RSPO1: variants seen among roughly 807,000 people sequenced by gnomAD.
RSPO1 encodes the protein R-spondin 1, also known as R-spondin-1.
Under a neutral mutation model 26.0 loss-of-function variants are expected in RSPO1, and 18 were observed. The ratio of observed to expected loss-of-function variants is 0.69; its 90% confidence interval spans 0.48 to 1.03. The LOEUF is 1.03. RSPO1 is among the 50% of genes least tolerant of loss of function. RSPO1 has a pLI of 0.00. For synonymous variants in RSPO1, 133 were observed against 137.4 expected (o/e 0.97, Z 0.22); for missense variants, 309 against 352.3 (o/e 0.88, Z 0.98).
intron 5 of RSPO1, 63 bp downstream of exon 5, chr1:37,614,121 C>A: frequency 6.3e-7 from 1 of 1,582,244 alleles, no homozygotes; most frequent in Non-Finnish European, 8.6e-7. Context: ...CTTGCCAGAC[C>A]CTTACCCGGC....
At chr1:37,631,293 G>T (rs1221321263) in intron 2 of RSPO1, among the ~76,000 whole-genome samples, 1 of 152,176 alleles carries the variant, frequency 6.6e-6, no homozygotes, top group African/African-American at 2.4e-5. Context: ...TTTACATGAG[G>T]CTGATGGATC....
At chr1:37,615,658 AGTG>A (rs1408176875) in intron 4 of RSPO1, among the ~76,000 whole-genome samples, 1 of 152,232 alleles carries the variant, frequency 6.6e-6, no homozygotes, top group Non-Finnish European at 1.5e-5. Context: ...GCACTGAACA[AGTG>A]GTGGGGGCAC....
rs1644330023 is a variant in RSPO1 at position 37,629,795 on chromosome 1, C to T, written c.-134G>A. ...AGGCCTGGGCCGTAGCCCAAATCCA[C>T]CATAATCTCAGCTGGGGACAGAGAG... On this transcript the variant is annotated 5_prime_UTR_variant, in exon 3 of 7. It adds an upstream start codon to the 5' untranslated region. Coordinates refer to ENST00000356545, the MANE Select transcript of RSPO1 (RefSeq NM_001242908.2). 2 of 1,551,350 alleles carry T rather than the reference C, an allele frequency of 1.3e-6. No individual in the cohort carries two copies. The highest frequency in any genetic ancestry group is 1.7e-6 in the Non-Finnish European group (2 of 1,146,810).
At chr1:37,621,991 C>A (rs1242429161) in intron 3 of RSPO1, among the ~76,000 whole-genome samples, 1 of 151,810 alleles carries the variant, frequency 6.6e-6, no homozygotes, top group Non-Finnish European at 1.5e-5. Flanking sequence ...TTCTTAACAT[C>A]GAACAGTCAT....
At position 37,613,816 on chromosome 1, in the gene RSPO1, G is replaced by C; in HGVS notation, c.513C>G (p.Gly171=). The stretch of plus-strand genomic sequence containing the variant: ...GCACCCTGCGTGTCCGCTCCTCGGA[G>C]CCCCTCCGGAAACCACAGAGCTGCT... ...KKQQLCGFRR[G]SEERTRRVLH... Residue 171 remains glycine, a synonymous_variant, in exon 6 of 7, where the codon GGC becomes GGG. Coordinates refer to ENST00000356545, the MANE Select transcript of RSPO1 (RefSeq NM_001242908.2). This position sits in a 1 kb window ranked among gnomAD's most constrained non-coding sequence, Gnocchi z 4.5. 6.2e-7 allele frequency: 1 copy of C among 1,614,010 alleles called. No homozygotes were observed. The highest frequency in any genetic ancestry group is 2.2e-5 in the East Asian group (1 of 44,884).
chr1:37,621,732 C>A (rs1453625893), intron 3 of RSPO1, among the ~76,000 whole-genome samples: 1 of 151,800 alleles, frequency 6.6e-6, no homozygotes, highest in Non-Finnish European at 1.5e-5. Context: ...CTCAAGAGAA[C>A]TATTTTGGCT....
At chr1:37,625,152 T>C (rs912947759) in intron 3 of RSPO1, among the ~76,000 whole-genome samples, 1 of 152,264 alleles carries the variant, frequency 6.6e-6, no homozygotes, top group East Asian at 1.9e-4. Flanking sequence ...CCTTATATTG[T>C]TATTATCTGC....
rs760465640 is a variant in RSPO1 at position 37,616,506 on chromosome 1, G to C, written c.264C>G (p.Asn88Lys). 1.2e-6 allele frequency: 2 copies of C among 1,614,072 alleles called. No homozygotes were observed. Among genetic ancestry groups the C allele is most frequent in the Non-Finnish European group, 1.7e-6 (2 of 1,180,044 alleles). ...SCPPGYFDAR[N>K]PDMNKCIKCK... The stretch of plus-strand genomic sequence containing the variant: ...CACTGATGCACTTGTTCATGTCGGG[G>C]TTGCGGGCGTCGAAGTATCCAGGTG... The change falls in exon 4 of 7, where the codon AAC becomes AAG. Residue 88 changes from asparagine to lysine, a missense_variant. Transcript: ENST00000356545.
chr1:37,630,761 C>A (rs915553439), intron 2 of RSPO1, among the ~76,000 whole-genome samples: 1 of 152,216 alleles, frequency 6.6e-6, no homozygotes, highest in African/African-American at 2.4e-5. Context: ...TTCCCCGTCA[C>A]GGGATCACAC....
chr1:37,623,762 CTT>C (rs569201016), intron 3 of RSPO1, among the ~76,000 whole-genome samples: 18 of 140,250 alleles, frequency 1.3e-4, no homozygotes, highest in Non-Finnish European at 1.1e-4. Flanking sequence ...CTCTCCCTCT[CTT>C]TTTTTTTTTT....
rs558866395 is a variant in RSPO1 at position 37,617,824 on chromosome 1, G to A, written c.95-1149C>T. 2.6e-5 allele frequency among the ~76,000 whole-genome samples: 4 copies of A among 152,226 alleles called. No individual in the cohort carries two copies. In the South Asian group the frequency reaches 6.2e-4, roughly 24 times the overall value. On this transcript the variant is annotated intron_variant, in intron 3 of 6. Coordinates refer to ENST00000356545, the MANE Select transcript of RSPO1 (RefSeq NM_001242908.2). ...GCGCAGTGTGAGCCCTGGGGACAGA[G>A]GTGTATAAGCCACTCTGTAGAGGAA...
At position 37,627,768 on chromosome 1, in the gene RSPO1, G is replaced by A. The variant is rs190028289; in HGVS notation, c.94+1800C>T. 2.4e-4 allele frequency among the ~76,000 whole-genome samples: 37 copies of A among 152,254 alleles called. No individual in the cohort carries two copies. The East Asian group carries it at 4.6e-3, about 19-fold the overall frequency. On this transcript the variant is annotated intron_variant, in intron 3 of 6. Transcript: ENST00000356545. ...CATTGCATTTCAGCTTCCTGATTGCGATGACTATGGCTATTACATAACAAG... is the reference window on the plus strand; with the variant it reads ...CATTGCATTTCAGCTTCCTGATTGCAATGACTATGGCTATTACATAACAAG...
At chr1:37,616,109 A>C (rs1411191242) in intron 4 of RSPO1, among the ~76,000 whole-genome samples, 1 of 152,152 alleles carries the variant, frequency 6.6e-6, no homozygotes, top group Non-Finnish European at 1.5e-5. Context: ...TATTGCAATG[A>C]TCCCGGAGCA....
At chr1:37,622,692 G>A (rs1460029316) in intron 3 of RSPO1, among the ~76,000 whole-genome samples, 1 of 152,140 alleles carries the variant, frequency 6.6e-6, no homozygotes, top group African/African-American at 2.4e-5. Context: ...GGTTGAAAAG[G>A]GAGAGATCTT....
chr1:37,613,889 T>G lies in RSPO1; in HGVS notation c.440A>C (p.Gln147Pro), dbSNP rs768443802. Residue 147 changes from glutamine (Q) to proline (P), a missense_variant, in exon 6 of 7, where the codon CAA becomes CCA. Coordinates refer to ENST00000356545, the MANE Select transcript of RSPO1 (RefSeq NM_001242908.2). This position sits in a 1 kb window ranked among gnomAD's most constrained non-coding sequence, Gnocchi z 4.5. ...CGGAGACCACTCGCTCATTTCACATTGCGCTGGCAGGAAGAGAAGGGAAGG... is the reference window on the plus strand; with the variant it reads ...CGGAGACCACTCGCTCATTTCACATGGCGCTGGCAGGAAGAGAAGGGAAGG... ...NGTMECSSPA[Q>P]CEMSEWSPWG... 1 of 1,613,876 alleles carries G rather than the reference T, an allele frequency of 6.2e-7. No homozygotes were observed. Among genetic ancestry groups the G allele is most frequent in the African/African-American group, 1.3e-5 (1 of 74,898 alleles).
At chr1:37,624,651 C>T (rs61776209) in intron 3 of RSPO1, among the ~76,000 whole-genome samples, 34,954 of 151,930 alleles carry the variant, frequency 0.23, 4,234 homozygotes, top group Middle Eastern at 0.29. Context: ...AGCCCCACAC[C>T]CCTTGAAGAA....
chr1:37,627,501 T>A (rs1644295230), intron 3 of RSPO1, among the ~76,000 whole-genome samples: 1 of 151,930 alleles, frequency 6.6e-6, no homozygotes, highest in Non-Finnish European at 1.5e-5. Flanking sequence ...AATACAAAAA[T>A]TAGCCAGGCA....
rs764779438 is a variant in RSPO1 at position 37,613,898 on chromosome 1, A to C, written c.437-6T>G. On this transcript the variant is annotated splice_region_variant and splice_polypyrimidine_tract_variant and intron_variant, in intron 5 of 6. Coordinates refer to ENST00000356545, the MANE Select transcript of RSPO1 (RefSeq NM_001242908.2). This position sits in a 1 kb window ranked among gnomAD's most constrained non-coding sequence, Gnocchi z 4.5. ...CTCGCTCATTTCACATTGCGCTGGC[A>C]GGAAGAGAAGGGAAGGGAGAGAAGG... 1 of 1,613,938 alleles carries C rather than the reference A, an allele frequency of 6.2e-7. No individual in the cohort carries two copies. The highest frequency in any genetic ancestry group is 1.1e-5 in the South Asian group (1 of 91,070).
intron 3 of RSPO1, among the ~76,000 whole-genome samples, chr1:37,622,927 G>C (rs1289964494): frequency 2.0e-5 from 3 of 152,116 alleles, no homozygotes; most frequent in Non-Finnish European, 4.4e-5. Flanking sequence ...ACAGAGAAGG[G>C]GAAAGCATGG....
Sources: gnomAD v4.1 joint callset for allele counts (sites outside exome capture counted in the v4.1 genomes callset) on GRCh38, gnomAD v4.1.1 for gene constraint, Gnocchi (gnomAD v3.1) non-coding constraint, MANE v1.5 for transcripts, NCBI Gene and HGNC (gene_info 2026-07-23, HGNC 2026-07-21) for gene names.